The following PAX5 variants were observed in gnomAD, a reference collection of about 807,000 sequenced individuals.
PAX5 encodes paired box protein Pax-5.
Under a neutral mutation model 43.7 loss-of-function variants are expected in PAX5, and 9 were observed. The ratio of observed to expected loss-of-function variants is 0.21; its 90% CI spans 0.12 to 0.36. The LOEUF is 0.36. Among genes scored for constraint, PAX5 ranks in the 10% least tolerant of loss-of-function variants. The probability of loss-of-function intolerance (pLI) is 1.00; values close to 1 mark genes in which losing one functional copy is unlikely to be tolerated. For synonymous variants in PAX5, 228 were observed against 214.3 expected (o/e 1.06, Z -0.56); for missense variants, 383 against 532.7 (o/e 0.72, Z 2.77).
chr9:36,893,327 T>G (rs1827564010), intron 7 of PAX5: 1 of 151,870 alleles, frequency 6.6e-6, no homozygotes, highest in African/African-American at 2.4e-5. Flanking sequence ...AGTTGCATAC[T>G]CAGAGCTCAT....
chr9:36,957,626 A>G (rs563095241), intron 6 of PAX5, among the ~76,000 whole-genome samples: 1 of 152,210 alleles, frequency 6.6e-6, no homozygotes, highest in Non-Finnish European at 1.5e-5. Flanking sequence ...GGGAAGCTAA[A>G]GCCTGTAGGT....
chr9:37,030,419 G>C (rs1444208420), intron 1 of PAX5, among the ~76,000 whole-genome samples: 2 of 152,178 alleles, frequency 1.3e-5, no homozygotes, highest in African/African-American at 2.4e-5. Context: ...GGGCTACTGC[G>C]CCTCAGTCCT....
chr9:36,833,686 C>A lies in PAX5; in HGVS notation c.*6874G>T, dbSNP rs767107203. 1.7e-5 allele frequency: 4 copies of A among 232,270 alleles called. No homozygotes were observed. Among genetic ancestry groups the A allele is most frequent in the African/African-American group, 8.9e-5 (4 of 44,988 alleles). The allele number at this position is 232,270 out of a possible 1,614,324, so 14.4% of individuals were successfully genotyped here. A position where few individuals can be genotyped will look rare whatever the true frequency, so the allele number is the denominator to read the frequency against. On this transcript the variant is annotated 3_prime_UTR_variant, in exon 10 of 10. Transcript: ENST00000358127. ...TATTATTACACACAAAAGCAACACA[C>A]GTCACTAAGAAAAAAACCACCAATA...
At chr9:36,986,638 TC>T (rs1299474430) in intron 5 of PAX5, among the ~76,000 whole-genome samples, 1 of 151,808 alleles carries the variant, frequency 6.6e-6, no homozygotes, top group Non-Finnish European at 1.5e-5. Context: ...CCCTGGGGAC[TC>T]CTCCGTCGGA....
intron 6 of PAX5, among the ~76,000 whole-genome samples, chr9:36,953,075 A>G (rs565069880): frequency 6.6e-6 from 1 of 151,964 alleles, no homozygotes; most frequent in Non-Finnish European, 1.5e-5. Flanking sequence ...GAAAGTCTTT[A>G]TTTTTTCCTT....
In PAX5 at chr9:37,015,260, A is replaced by G; in HGVS notation, c.213-66T>C. ...GTAAAGTGGATATTGGCAACAAAAT[A>G]ACGGGCTACTCTGGCCAGGAAACGT... On this transcript the variant is annotated intron_variant, in intron 2 of 9. Transcript: ENST00000358127. This position sits in a 1 kb window ranked among gnomAD's most constrained non-coding sequence, Gnocchi z 4.4. The G allele has an allele frequency of 7.1e-7, 1 of 1,416,010 alleles. No homozygotes were observed. The highest frequency in any genetic ancestry group is 1.0e-6 in the Non-Finnish European group (1 of 1,003,016). 87.7% of individuals were successfully genotyped at this position (1,416,010 alleles called of 1,614,324 possible).
intron 9 of PAX5, among the ~76,000 whole-genome samples, chr9:36,843,005 C>G (rs1476534239): frequency 6.6e-6 from 1 of 151,930 alleles, no homozygotes; most frequent in Admixed American, 6.6e-5. Context: ...GGGATGTGAG[C>G]ATGTGTCTGT....
chr9:36,917,905 G>T (rs996250198), intron 7 of PAX5, among the ~76,000 whole-genome samples: 1 of 152,108 alleles, frequency 6.6e-6, no homozygotes, highest in Non-Finnish European at 1.5e-5. Flanking sequence ...ATGGTGATCT[G>T]TGATCAGTGA....
chr9:37,019,760 C>A (rs945047228), intron 2 of PAX5, among the ~76,000 whole-genome samples: 1 of 152,328 alleles, frequency 6.6e-6, no homozygotes, highest in East Asian at 1.9e-4. Flanking sequence ...CCTGCCAGGG[C>A]AGACCTAAAA....
intron 6 of PAX5, among the ~76,000 whole-genome samples, chr9:36,952,234 C>CTTTTT (rs138009049): frequency 0.18 from 11,701 of 66,684 alleles, 2,945 homozygotes; most frequent in South Asian, 0.2. Context: ...GACCATCTCC[C>CTTTTT]TTTTTTTTTT....
At chr9:36,883,231 C>T (rs913855688) in intron 7 of PAX5, among the ~76,000 whole-genome samples, 1 of 152,192 alleles carries the variant, frequency 6.6e-6, no homozygotes, top group African/African-American at 2.4e-5. Flanking sequence ...TGAACCCCAA[C>T]AGTTTCTGCT....
chr9:36,929,501 A>G (rs1187049034), intron 6 of PAX5, among the ~76,000 whole-genome samples: 1 of 152,176 alleles, frequency 6.6e-6, no homozygotes. Context: ...CGCCAACCCC[A>G]GCCCCTAAGA....
At chr9:36,951,680 C>T (rs1833023978) in intron 6 of PAX5, among the ~76,000 whole-genome samples, 1 of 152,180 alleles carries the variant, frequency 6.6e-6, no homozygotes, top group African/African-American at 2.4e-5. Flanking sequence ...TCTTGCAAAT[C>T]CAATCTATTT....
chr9:36,833,294 T>C lies in PAX5; in HGVS notation c.*7266A>G, dbSNP rs1349929689. ...TTTTTCTGAACTTAAAAAATTACTT[T>C]TATTTTAGGAACCAATAAAATTATG... is the stretch of plus-strand genomic sequence containing the variant. On this transcript the variant is annotated 3_prime_UTR_variant, in exon 10 of 10. Coordinates refer to ENST00000358127, the MANE Select transcript of PAX5 (RefSeq NM_016734.3). The C allele has an allele frequency of 2.6e-5, 6 of 231,994 alleles. No individual in the cohort carries two copies. Among genetic ancestry groups the C allele is most frequent in the Non-Finnish European group, 5.1e-5 (6 of 117,330 alleles). 14.4% of individuals were successfully genotyped at this position (231,994 alleles called of 1,614,324 possible). A position where few individuals can be genotyped will look rare whatever the true frequency, so the allele number is the denominator to read the frequency against.
chr9:36,931,121 C>A (rs1481530593), intron 6 of PAX5, among the ~76,000 whole-genome samples: 2 of 152,102 alleles, frequency 1.3e-5, no homozygotes, highest in Non-Finnish European at 2.9e-5. Context: ...CCACAGGTAT[C>A]CCTTGGGAGC....
At chr9:37,030,513 C>A (rs917115116) in intron 1 of PAX5, among the ~76,000 whole-genome samples, 1 of 152,240 alleles carries the variant, frequency 6.6e-6, no homozygotes, top group African/African-American at 2.4e-5. Context: ...GCAGTCGGGC[C>A]TCACTCTGAT....
chr9:36,909,921 A>T (rs1829127200), intron 7 of PAX5, among the ~76,000 whole-genome samples: 1 of 142,348 alleles, frequency 7.0e-6, no homozygotes, highest in Non-Finnish European at 1.5e-5. Flanking sequence ...TCCTGGGCTC[A>T]GGTGATCCTC....
intron 6 of PAX5, among the ~76,000 whole-genome samples, chr9:36,925,799 G>A (rs1830598980): frequency 6.6e-6 from 1 of 152,164 alleles, no homozygotes; most frequent in Non-Finnish European, 1.5e-5. Flanking sequence ...CAGAGTTCCT[G>A]CTCACTGTGG....
At chr9:36,978,650 T>C (rs1835653979) in intron 5 of PAX5, among the ~76,000 whole-genome samples, 1 of 152,216 alleles carries the variant, frequency 6.6e-6, no homozygotes, top group Non-Finnish European at 1.5e-5. Flanking sequence ...TTGAAGTGTA[T>C]CTATCTGATC....
Sources: gnomAD v4.1 joint callset for allele counts (sites outside exome capture counted in the v4.1 genomes callset) on GRCh38, gnomAD v4.1.1 for gene constraint, Gnocchi (gnomAD v3.1) non-coding constraint, MANE v1.5 for transcripts, NCBI Gene and HGNC (gene_info 2026-07-23, HGNC 2026-07-21) for gene names.